The following STRADB variants were observed in gnomAD, a reference collection of about 807,000 sequenced individuals.
STRADB encodes the protein STE20 related adaptor beta, also known as STE20-related kinase adapter protein beta.
Under a neutral mutation model 52.1 loss-of-function variants are expected in STRADB, and 34 were observed. That is an observed-to-expected ratio of 0.65 (90% CI 0.50 to 0.87). STRADB has a LOEUF of 0.87. Ranked by LOEUF, STRADB falls within the 40% of genes least tolerant of loss-of-function variation. The pLI is 0.00. For synonymous variants in STRADB, 133 were observed against 174.5 expected, an observed-to-expected ratio of 0.76 and a Z score of 1.87; for missense variants, 340 against 483.9, an observed-to-expected ratio of 0.70 and a Z score of 2.79.
chr2:201,473,861 G>C (rs1952429002), intron 5 of STRADB, among the ~76,000 whole-genome samples: 1 of 150,954 alleles, frequency 6.6e-6, no homozygotes, highest in South Asian at 2.1e-4. Context: ...AAGGGGGAAA[G>C]GATTTTATTT....
chr2:201,460,018 C>T (rs528379009), intron 3 of STRADB, among the ~76,000 whole-genome samples: 5 of 152,132 alleles, frequency 3.3e-5, no homozygotes, highest in Middle Eastern at 3.4e-3. Context: ...CTCCTTATTC[C>T]GTACTTTATA....
chr2:201,463,235 G>A (rs1298368558), intron 3 of STRADB, among the ~76,000 whole-genome samples: 1 of 151,166 alleles, frequency 6.6e-6, no homozygotes, highest in East Asian at 2.0e-4. Context: ...TACTTGGGAG[G>A]CTGAGGCAGA....
At chr2:201,470,253 C>T (rs528471187) in intron 4 of STRADB, among the ~76,000 whole-genome samples, 8 of 152,094 alleles carry the variant, frequency 5.3e-5, no homozygotes, top group African/African-American at 9.7e-5. Context: ...CTGTCTAGAA[C>T]GTTTACTTTT....
At chr2:201,466,101 T>C (rs1235785063) in intron 3 of STRADB, among the ~76,000 whole-genome samples, 1 of 152,222 alleles carries the variant, frequency 6.6e-6, no homozygotes, top group Non-Finnish European at 1.5e-5. Flanking sequence ...AATTTGGTGT[T>C]CCTGAAGGGT....
chr2:201,472,465 T>C (rs898077748), intron 4 of STRADB, among the ~76,000 whole-genome samples: 1 of 152,232 alleles, frequency 6.6e-6, no homozygotes, highest in Non-Finnish European at 1.5e-5. Flanking sequence ...TGGATGAGTC[T>C]CAGAAGCATA....
chr2:201,468,085 C>CTTTTCTTTTTTTTT (rs1559465545), intron 3 of STRADB, among the ~76,000 whole-genome samples: 2 of 71,028 alleles, frequency 2.8e-5, no homozygotes, highest in Non-Finnish European at 5.9e-5. Flanking sequence ...TTTTTTTTTT[C>CTTTTCTTTTTTTTT]TTTTTTTTTT....
chr2:201,477,144 A>C (rs1952490785), intron 7 of STRADB, among the ~76,000 whole-genome samples: 1 of 119,406 alleles, frequency 8.4e-6, no homozygotes, highest in African/African-American at 3.2e-5. Flanking sequence ...GGCTCACTGC[A>C]AGCTCCACCT....
At chr2:201,477,541 G>T in intron 7 of STRADB, 78 bp from the exon 8 acceptor site, 2 of 1,419,234 alleles carry the variant, frequency 1.4e-6, no homozygotes, top group Non-Finnish European at 1.9e-6. Flanking sequence ...AGAATATATG[G>T]ATTTGTTCCT....
chr2:201,480,834 T>G lies in STRADB; in HGVS notation c.*659T>G. ...GCACCCCGTGGGAGCTCAATAAAGA[T>G]TTACTGAATTGAGTTTATGCTTTTA... is the stretch of plus-strand genomic sequence containing the variant. On this transcript the variant is annotated 3_prime_UTR_variant, in exon 12 of 12. Transcript: ENST00000194530. 3.0e-6 allele frequency: 3 copies of G among 985,330 alleles called. No homozygotes were observed. The highest frequency in any genetic ancestry group is 3.6e-6 in the Non-Finnish European group (3 of 829,648). 61.0% of individuals were successfully genotyped at this position (985,330 alleles called of 1,614,324 possible).
At chr2:201,456,617 G>C (rs954233765) in intron 2 of STRADB, among the ~76,000 whole-genome samples, 1 of 152,082 alleles carries the variant, frequency 6.6e-6, no homozygotes, top group African/African-American at 2.4e-5. Context: ...TTGGGATAAA[G>C]TTGATACTTT....
intron 3 of STRADB, among the ~76,000 whole-genome samples, chr2:201,461,494 T>C (rs947400156): frequency 6.6e-6 from 1 of 151,744 alleles, no homozygotes. Flanking sequence ...TTTTGAGAAA[T>C]GTTTATTTCT....
intron 3 of STRADB, among the ~76,000 whole-genome samples, chr2:201,463,141 T>G (rs778359436): frequency 2.0e-5 from 3 of 152,058 alleles, no homozygotes; most frequent in Non-Finnish European, 2.9e-5. Flanking sequence ...ATTGAGACCA[T>G]CCTGGCTAAC....
chr2:201,464,234 T>G (rs1214328999), intron 3 of STRADB, among the ~76,000 whole-genome samples: 1 of 152,164 alleles, frequency 6.6e-6, no homozygotes, highest in East Asian at 1.9e-4. Flanking sequence ...TGGGAAGGCT[T>G]TCCAAGTATT....
Position 201,479,440 on chromosome 2 carries a change from AC to A in STRADB, c.1071-48del, listed in dbSNP as rs761001938. 3.3e-5 allele frequency: 49 copies of A among 1,495,058 alleles called. No individual in the cohort carries two copies. In the Admixed American group the frequency reaches 1.0e-3, roughly 32 times the overall value. The allele number at this position is 1,495,058 out of a possible 1,614,324, so 92.6% of individuals were successfully genotyped here. The stretch of plus-strand genomic sequence containing the variant: ...TAACATATTTTTACACCTGAAATCT[AC>A]ATTCTAATATAAAGGTTTTTTTTTT... On this transcript the variant is annotated intron_variant, in intron 10 of 11. Coordinates refer to ENST00000194530, the MANE Select transcript of STRADB (RefSeq NM_018571.6).
In STRADB at chr2:201,466,975, G is replaced by A. The variant is rs574619354; in HGVS notation, c.94-2978G>A. ...GCAGGATCTCTCTGAAAACACTTCAGAGTGCTATTCATTGGCTTGATTATT... is the reference window on the plus strand; with the variant it reads ...GCAGGATCTCTCTGAAAACACTTCAAAGTGCTATTCATTGGCTTGATTATT... On this transcript the variant is annotated intron_variant, in intron 3 of 11. Transcript: ENST00000194530. Among the ~76,000 whole-genome samples, 31 of 152,304 alleles carry A rather than the reference G, an allele frequency of 2.0e-4. No individual in the cohort carries two copies. In the South Asian group the frequency reaches 6.2e-3, roughly 31 times the overall value.
intron 10 of STRADB, 59 bp from the exon 11 acceptor site, chr2:201,479,430 C>T (rs1156978951): frequency 6.8e-7 from 1 of 1,468,620 alleles, no homozygotes; most frequent in Non-Finnish European, 9.3e-7. Context: ...TATTTTTACA[C>T]CTGAAATCTA....
At chr2:201,470,837 C>T (rs1237276506) in intron 4 of STRADB, among the ~76,000 whole-genome samples, 1 of 152,168 alleles carries the variant, frequency 6.6e-6, no homozygotes, top group Admixed American at 6.5e-5. Context: ...ACAACATAAA[C>T]AATCCTGGCT....
intron 3 of STRADB, among the ~76,000 whole-genome samples, chr2:201,467,005 T>C (rs1952314925): frequency 6.6e-6 from 1 of 152,160 alleles, no homozygotes; most frequent in Non-Finnish European, 1.5e-5. Flanking sequence ...ATTATTGAAC[T>C]ATGATGTAGG....
At position 201,478,119 on chromosome 2, in the gene STRADB, TTA is replaced by T. The variant is rs1274586998; in HGVS notation, c.754_755del (p.Tyr252GlnfsTer8). 1 of 1,612,876 alleles carries T rather than the reference TTA, an allele frequency of 6.2e-7. No homozygotes were observed. On this transcript the variant is annotated frameshift_variant, in exon 9 of 12. Coordinates refer to ENST00000194530, the MANE Select transcript of STRADB (RefSeq NM_018571.6). LOFTEE classifies it high-confidence loss of function. ...LHGYNVKSDI[Y>X]SVGITACELA... ...ATGGGTATAATGTGAAGTCAGATAT[TTA>T]CAGTGTTGGGATTACAGCATGTGAA... is the stretch of plus-strand genomic sequence containing the variant.
Sources: allele counts gnomAD v4.1 joint callset (sites outside exome capture counted in the v4.1 genomes callset), GRCh38; gene constraint gnomAD v4.1.1; transcripts MANE v1.5; gene names NCBI Gene and HGNC (gene_info 2026-07-23, HGNC 2026-07-21).